Variants in MUC12 observed in about 807,000 individuals in gnomAD.
The protein encoded by MUC12 is mucin 12, cell surface associated.
A neutral mutation model predicts 230.8 loss-of-function variants in MUC12; 172 were observed. That is an observed-to-expected ratio of 0.75 (90% CI 0.66 to 0.85). The LOEUF (loss-of-function observed/expected upper bound fraction) is 0.85. MUC12 is among the 40% of genes least tolerant of loss of function. The pLI is 0.00. For missense variants in MUC12, 3,506 were observed against 5,920.6 expected, an observed-to-expected ratio of 0.59 and a Z score of 13.38; for synonymous variants, 1,259 against 2,401.9, an observed-to-expected ratio of 0.52 and a Z score of 13.91.
Position 101,009,172 on chromosome 7 carries a change from G to C in MUC12, c.15251+13G>C, listed in dbSNP as rs998877204. ...TTCGGAGATTGCTGTGAGTATATTGGGGGGCAGGTTTATAGATGTGGGGAA... is the reference window on the plus strand; with the variant it reads ...TTCGGAGATTGCTGTGAGTATATTGCGGGGCAGGTTTATAGATGTGGGGAA... On this transcript the variant is annotated intron_variant, in intron 5 of 11. Transcript: ENST00000536621. The C allele has an allele frequency of 6.5e-7, 1 of 1,536,974 alleles. No individual in the cohort carries two copies. Among genetic ancestry groups the C allele is most frequent in the Admixed American group, 2.0e-5 (1 of 50,996 alleles).
chr7:100,980,031 T>C (rs552398190), intron 1 of MUC12, among the ~76,000 whole-genome samples: 114 of 147,582 alleles, frequency 7.7e-4, no homozygotes, highest in Middle Eastern at 7.1e-3. Flanking sequence ...CTCTCTCTCT[T>C]TTTTTTTTTT....
rs368848717 is a variant in MUC12, at chr7:100,991,936, C to A, written c.1373C>A (p.Pro458His). ...ATTVLPAGSTPSVLVGDSTPS... is the reference protein window; with the variant it reads ...ATTVLPAGSTHSVLVGDSTPS... ...ACAGTCTTACCTGCCGGCTCTACACCCTCAGTTCTTGTTGGAGACTCGACG... is the reference window on the plus strand; with the variant it reads ...ACAGTCTTACCTGCCGGCTCTACACACTCAGTTCTTGTTGGAGACTCGACG... Residue 458 changes from proline to histidine, a missense_variant, in exon 2 of 12, where the codon CCC (proline) becomes CAC (histidine). By Grantham distance (77) the Pro-to-His change is moderately conservative. Coordinates refer to ENST00000536621, the MANE Select transcript of MUC12 (RefSeq NM_001164462.2). 13 of 1,537,964 alleles carry A rather than the reference C, an allele frequency of 8.5e-6. No homozygotes were observed. In the Admixed American group the frequency reaches 1.4e-4, roughly 16 times the overall value.
intron 1 of MUC12, among the ~76,000 whole-genome samples, chr7:100,984,974 C>A (rs2116285898): frequency 6.6e-6 from 1 of 152,230 alleles, no homozygotes; most frequent in Non-Finnish European, 1.5e-5. Flanking sequence ...TCAAGAGATT[C>A]TCCTGCCTCA....
intron 7 of MUC12, 24 bp from the exon 8 acceptor site, chr7:101,012,956 A>G (rs1793859733): frequency 2.0e-6 from 3 of 1,537,230 alleles, no homozygotes; most frequent in Non-Finnish European, 2.6e-6. Flanking sequence ...AGGCTCATGC[A>G]TGCTGCCCGC....
At chr7:100,981,466 C>T (rs1423683638) in intron 1 of MUC12, 2 of 533,920 alleles carry the variant, frequency 3.7e-6, no homozygotes, top group Non-Finnish European at 6.7e-6. Context: ...ACTTAGTGAG[C>T]AGGCAAGGGC....
In MUC12 at chr7:101,004,379, C is replaced by G. The variant is rs374133624; in HGVS notation, c.13816C>G (p.His4606Asp). The stretch of plus-strand genomic sequence containing the variant: ...CCTCGTTGAAGAATCTACGGCGTAC[C>G]ACAGCAGCCCGGGCTCAACTCAAAC... ...SGLVEESTAY[H>D]SSPGSTQTMH... The change falls in exon 2 of 12, where the codon CAC becomes GAC. Residue 4606 changes from histidine (H) to aspartate (D), a missense_variant. Transcript: ENST00000536621. The G allele has an allele frequency of 2.0e-6, 3 of 1,479,076 alleles. No individual in the cohort carries two copies. Among genetic ancestry groups the G allele is most frequent in the Non-Finnish European group, 2.7e-6 (3 of 1,118,336 alleles). The allele number at this position is 1,479,076 out of a possible 1,614,324, so 91.6% of individuals were successfully genotyped here.
intron 1 of MUC12, among the ~76,000 whole-genome samples, chr7:100,980,881 G>A (rs895027011): frequency 6.6e-6 from 1 of 152,012 alleles, no homozygotes; most frequent in Non-Finnish European, 1.5e-5. Context: ...TTGTGCCACT[G>A]CACTCCAGCC....
In MUC12 at chr7:100,991,636, C is replaced by A. The variant is rs1281753967; in HGVS notation, c.1073C>A (p.Ser358Tyr). Residue 358 changes from serine (S) to tyrosine (Y), a missense_variant, in exon 2 of 12, where the codon TCT becomes TAT. By Grantham distance (144) the Ser-to-Tyr change is moderately radical. Coordinates refer to ENST00000536621, the MANE Select transcript of MUC12 (RefSeq NM_001164462.2). ...RSATSGHVEE[S>Y]TAYHRSPGST... ...GCGACCTCAGGCCATGTTGAAGAAT[C>A]TACAGCCTACCACAGGAGCCCGGGC... is the stretch of plus-strand genomic sequence containing the variant. 1.3e-6 allele frequency: 2 copies of A among 1,537,020 alleles called. No individual in the cohort carries two copies. The highest frequency in any genetic ancestry group is 1.7e-6 in the Non-Finnish European group (2 of 1,146,318).
At chr7:100,972,508 G>GTTT (rs1792927877) in intron 1 of MUC12, among the ~76,000 whole-genome samples, 1 of 151,814 alleles carries the variant, frequency 6.6e-6, no homozygotes. Context: ...GGCATCTGTA[G>GTTT]CTTTTTTTTT....
rs1256619233 is a variant in MUC12 at position 100,995,673 on chromosome 7, A to G, written c.5110A>G (p.Thr1704Ala). The G allele has an allele frequency of 1.3e-6, 2 of 1,537,016 alleles. No individual in the cohort carries two copies. Among genetic ancestry groups the G allele is most frequent in the African/African-American group, 1.4e-5 (1 of 72,362 alleles). The part of the protein sequence containing the change: ...SSKDTMPAPP[T>A]TTSAFVELST... ...AAAGGACACTATGCCTGCACCTCCT[A>G]CTACCACATCAGCCTTTGTTGAGCT... Residue 1704 changes from threonine (T) to alanine (A), a missense_variant, in exon 2 of 12, where the codon ACT (threonine) becomes GCT (alanine). Coordinates refer to ENST00000536621, the MANE Select transcript of MUC12 (RefSeq NM_001164462.2).
chr7:101,014,777 C>CTTAAA (rs10533221), intron 9 of MUC12, among the ~76,000 whole-genome samples: 6,480 of 143,576 alleles, frequency 0.045, 378 homozygotes, highest in African/African-American at 0.13. Context: ...CGTGCCCGGC[C>CTTAAA]TTAAATTAAA....
At chr7:100,988,238 A>G (rs1269771919) in intron 1 of MUC12, among the ~76,000 whole-genome samples, 1 of 144,818 alleles carries the variant, frequency 6.9e-6, no homozygotes, top group Non-Finnish European at 1.5e-5. Context: ...GGAGGTTGCA[A>G]TGAGCCGAGA....
In MUC12 at chr7:100,992,984, G is replaced by T. The variant is rs377737749; in HGVS notation, c.2421G>T (p.Thr807=). 6.5e-7 allele frequency: 1 copy of T among 1,537,272 alleles called. No homozygotes were observed. The highest frequency in any genetic ancestry group is 8.7e-7 in the Non-Finnish European group (1 of 1,147,012). The change falls in exon 2 of 12, where the codon ACG becomes ACT. Residue 807 remains threonine, a synonymous_variant. Coordinates refer to ENST00000536621, the MANE Select transcript of MUC12 (RefSeq NM_001164462.2). ...TSPISSGSME[T]TALPGSTTTP... ...CCATCAGTTCAGGCTCAATGGAAACGACAGCGTTACCCGGCAGTACCACAA... is the reference window on the plus strand; with the variant it reads ...CCATCAGTTCAGGCTCAATGGAAACTACAGCGTTACCCGGCAGTACCACAA...
chr7:100,985,824 G>A (rs566254365), intron 1 of MUC12, among the ~76,000 whole-genome samples: 8 of 152,236 alleles, frequency 5.3e-5, no homozygotes, highest in Admixed American at 1.3e-4. Context: ...TCACTCAAGT[G>A]AGGGAGGAAG....
At chr7:100,982,808 C>A (rs1376123542) in intron 1 of MUC12, among the ~76,000 whole-genome samples, 1 of 152,072 alleles carries the variant, frequency 6.6e-6, no homozygotes, top group East Asian at 1.9e-4. Context: ...TAGCTCACTG[C>A]AGCCTTGAGC....
At chr7:101,008,828 C>T in intron 4 of MUC12, 67 bp downstream of exon 4, 1 of 1,490,088 alleles carries the variant, frequency 6.7e-7, no homozygotes, top group Non-Finnish European at 8.9e-7. Context: ...GGGGGGTGCA[C>T]CCCAACTTAG....
intron 1 of MUC12, among the ~76,000 whole-genome samples, chr7:100,974,953 A>T (rs1246476137): frequency 6.6e-5 from 10 of 152,290 alleles, no homozygotes; most frequent in Non-Finnish European, 1.5e-5. Flanking sequence ...ACCCTGGAAT[A>T]GGAGATGGAC....
At position 100,992,358 on chromosome 7, in the gene MUC12, T is replaced by G. The variant is rs1378578026; in HGVS notation, c.1795T>G (p.Ser599Ala). The change falls in exon 2 of 12, where the codon TCA (serine) becomes GCA (alanine). Residue 599 changes from serine (S) to alanine (A), a missense_variant. Ser to Ala is a moderately conservative substitution (Grantham distance 99). Coordinates refer to ENST00000536621, the MANE Select transcript of MUC12 (RefSeq NM_001164462.2). Reference sequence around the variant, plus strand: ...ACTCTTACCTGACAACACCACAGCCTCAGGACTCCTTGAAGCATCTATGCC... The same window carrying G: ...ACTCTTACCTGACAACACCACAGCCGCAGGACTCCTTGAAGCATCTATGCC... ...TTLLPDNTTA[S>A]GLLEASMPVH... 4 of 1,536,510 alleles carry G rather than the reference T, an allele frequency of 2.6e-6. No homozygotes were observed. The highest frequency in any genetic ancestry group is 3.9e-5 in the Admixed American group (2 of 50,932).
chr7:101,015,396 C>A, intron 9 of MUC12: 2 of 565,516 alleles, frequency 3.5e-6, no homozygotes, highest in Non-Finnish European at 6.3e-6. Context: ...CTGAGGGCCA[C>A]TAAAGGGAGT....
Sources: allele counts gnomAD v4.1 joint callset (sites outside exome capture counted in the v4.1 genomes callset), GRCh38; gene constraint gnomAD v4.1.1; transcripts MANE v1.5; gene names NCBI Gene and HGNC (gene_info 2026-07-23, HGNC 2026-07-21).